The following RPS6KA6 variants were observed in gnomAD, a reference collection of about 807,000 sequenced individuals.
The protein encoded by RPS6KA6 is ribosomal protein S6 kinase A6.
Under a neutral mutation model 65.4 loss-of-function variants are expected in RPS6KA6, and 27 were observed. That is an observed-to-expected ratio of 0.41 (90% CI 0.30 to 0.57). The LOEUF (loss-of-function observed/expected upper bound fraction) is 0.57, where lower values mean the gene tolerates loss of function less well. Among genes scored for constraint, RPS6KA6 ranks in the 20% least tolerant of loss-of-function variants. The pLI is 0.24. For missense variants in RPS6KA6, 486 were observed against 555.6 expected, an observed-to-expected ratio of 0.87 and a Z score of 1.26; for synonymous variants, 190 against 184.2, an observed-to-expected ratio of 1.03 and a Z score of -0.26.
At chrX:84,164,297 T>C (rs1452108997) in intron 2 of RPS6KA6, 31 bp downstream of exon 2, 8 of 1,062,885 alleles carry the variant, frequency 7.5e-6, no homozygotes, top group African/African-American at 1.8e-5. Flanking sequence ...ATGCTAAAAA[T>C]GTGGCTTAAT....
chrX:84,145,687 A>C, intron 5 of RPS6KA6, 130 bp from the exon 6 acceptor site: 1 of 380,766 alleles, frequency 2.6e-6, no homozygotes, highest in Non-Finnish European at 4.5e-6. Flanking sequence ...ATAACATCTC[A>C]AAATTAAACC....
At chrX:84,101,384 A>C (rs1448395790) in intron 18 of RPS6KA6, among the ~76,000 whole-genome samples, 2 of 110,626 alleles carry the variant, frequency 1.8e-5, no homozygotes, top group Non-Finnish European at 3.8e-5. Context: ...CAAATGTGAA[A>C]TCTGTACCAC....
rs763251269 is a variant in RPS6KA6 at position 84,107,646 on chromosome X, T to A, written c.1088A>T (p.Glu363Val). 2 of 1,196,054 alleles carry A rather than the reference T, an allele frequency of 1.7e-6. No homozygotes were observed. Among genetic ancestry groups the A allele is most frequent in the Non-Finnish European group, 1.1e-6 (1 of 884,395 alleles). The change falls in exon 13 of 22, where the codon GAA becomes GTA. Residue 363 changes from glutamate to valine, a missense_variant. By Grantham distance (121) the Glu-to-Val change is moderately radical. This residue lies in a region of RPS6KA6 where 345 missense variants were observed against 375.0 expected (regional missense o/e 0.92). Transcript: ENST00000262752. ...KPDDTFCFDP[E>V]FTAKTPKDSP... Reference sequence around the variant, plus strand: ...ACCTTTAGGTGTTTTTGCAGTAAATTCAGGATCAAAACAAAAAGTATCATC... The same window carrying A: ...ACCTTTAGGTGTTTTTGCAGTAAATACAGGATCAAAACAAAAAGTATCATC...
Position 84,061,818 on chromosome X carries a change from G to GT in RPS6KA6, c.*2458dup, listed in dbSNP as rs1201843768. ...TATTCTAAAGTCTTATAGAAAAGATGTGTTTTTACTAGTTAAGCATTGATA... is the reference window on the plus strand; with the variant it reads ...TATTCTAAAGTCTTATAGAAAAGATGTTGTTTTTACTAGTTAAGCATTGATA... On this transcript the variant is annotated 3_prime_UTR_variant, in exon 22 of 22. Coordinates refer to ENST00000262752, the MANE Select transcript of RPS6KA6 (RefSeq NM_014496.5). 1 of 111,607 alleles carries GT rather than the reference G, an allele frequency of 9.0e-6. No individual in the cohort carries two copies. Among genetic ancestry groups the GT allele is most frequent in the Non-Finnish European group, 1.9e-5 (1 of 53,010 alleles). 9.2% of individuals were successfully genotyped at this position (111,607 alleles called of 1,213,427 possible).
upstream of RPS6KA6, among the ~76,000 whole-genome samples, chrX:84,188,218 C>T (rs1397472607): frequency 8.9e-6 from 1 of 111,950 alleles, no homozygotes; most frequent in South Asian, 3.7e-4. Flanking sequence ...ACCCCACTTC[C>T]TCGGGTCCCC....
chrX:84,067,212 C>T (rs1009957865), intron 20 of RPS6KA6, among the ~76,000 whole-genome samples: 3 of 111,631 alleles, frequency 2.7e-5, no homozygotes, highest in Non-Finnish European at 5.6e-5. Context: ...AATAGAATGC[C>T]TATTTTCCCC....
At chrX:84,086,234 T>C (rs1255572817) in intron 20 of RPS6KA6, among the ~76,000 whole-genome samples, 2 of 111,806 alleles carry the variant, frequency 1.8e-5, no homozygotes, top group Non-Finnish European at 3.8e-5. Context: ...TCTCTAGTTC[T>C]TTCTGTTGTG....
chrX:84,122,254 G>T (rs1013233980), intron 8 of RPS6KA6, among the ~76,000 whole-genome samples: 27 of 111,167 alleles, frequency 2.4e-4, no homozygotes, highest in African/African-American at 8.8e-4. Flanking sequence ...TCAGCAACTG[G>T]GGGGCTTTAC....
chrX:84,170,898 A>G (rs1489026272), intron 1 of RPS6KA6, among the ~76,000 whole-genome samples: 1 of 111,261 alleles, frequency 9.0e-6, no homozygotes, highest in Non-Finnish European at 1.9e-5. Flanking sequence ...TGTGTCATAT[A>G]AGACTCTAGA....
intron 1 of RPS6KA6, among the ~76,000 whole-genome samples, chrX:84,165,242 G>T: frequency 9.2e-6 from 1 of 109,234 alleles, no homozygotes; most frequent in East Asian, 2.9e-4. Flanking sequence ...AGATAAAAAG[G>T]ATTTTTACCA....
intron 6 of RPS6KA6, among the ~76,000 whole-genome samples, chrX:84,138,791 A>C (rs944103425): frequency 1.4e-5 from 1 of 70,132 alleles, no homozygotes; most frequent in Non-Finnish European, 2.7e-5. Flanking sequence ...CTGTTTGTTT[A>C]CCTGTGTATT....
At chrX:84,124,690 A>T (rs183921925) in intron 8 of RPS6KA6, among the ~76,000 whole-genome samples, 1 of 111,149 alleles carries the variant, frequency 9.0e-6, no homozygotes, top group Non-Finnish European at 1.9e-5. Context: ...CAAGTCTAAG[A>T]GCTACTGGAC....
intron 3 of RPS6KA6, among the ~76,000 whole-genome samples, chrX:84,150,190 G>C (rs2035275036): frequency 1.8e-5 from 2 of 112,034 alleles, no homozygotes; most frequent in African/African-American, 6.5e-5. Context: ...AATTGCTCTA[G>C]ATTAGGCTTT....
At chrX:84,113,703 T>C (rs1362335820) in intron 12 of RPS6KA6, among the ~76,000 whole-genome samples, 2 of 111,697 alleles carry the variant, frequency 1.8e-5, no homozygotes, top group African/African-American at 6.5e-5. Flanking sequence ...AAGCATTCCT[T>C]TCAAGAACTG....
chrX:84,142,763 C>T (rs747077153), intron 6 of RPS6KA6, among the ~76,000 whole-genome samples: 75 of 111,121 alleles, frequency 6.7e-4, no homozygotes, highest in Non-Finnish European at 2.1e-4. Flanking sequence ...AGACAAATTC[C>T]TTAAAAGACA....
Position 84,106,434 on chromosome X carries a change from AATATCCTCCTTCAATTC to A in RPS6KA6, c.1279_1295del (p.Glu427TrpfsTer26). ...TGCAAACAGAGTAGGAGCCAACACC[AATATCCTCCTTCAATTC>A]ATATACTTCACCAAATTGTGCAGCA... On this transcript the variant is annotated frameshift_variant, in exon 15 of 22. Transcript: ENST00000262752. LOFTEE classifies it high-confidence loss of function. The A allele has an allele frequency of 8.5e-7, 1 of 1,176,773 alleles. No homozygotes were observed. The highest frequency in any genetic ancestry group is 1.2e-6 in the Non-Finnish European group (1 of 867,250).
At chrX:84,077,057 G>A (rs1168902428) in intron 20 of RPS6KA6, among the ~76,000 whole-genome samples, 2 of 111,423 alleles carry the variant, frequency 1.8e-5, no homozygotes, top group Non-Finnish European at 3.8e-5. Flanking sequence ...TTTAAGACCT[G>A]TATATTTAAA....
At chrX:84,147,722 TATG>T (rs2035224265) in intron 4 of RPS6KA6, among the ~76,000 whole-genome samples, 1 of 112,014 alleles carries the variant, frequency 8.9e-6, no homozygotes, top group Non-Finnish European at 1.9e-5. Context: ...GCTTTCTCAA[TATG>T]TAATACTGAC....
chrX:84,168,826 T>C (rs1309371375), intron 1 of RPS6KA6, among the ~76,000 whole-genome samples: 1 of 111,395 alleles, frequency 9.0e-6, no homozygotes, highest in African/African-American at 3.3e-5. Flanking sequence ...GATCACTCTA[T>C]CCTGGAAATT....
Sources: allele counts gnomAD v4.1 joint callset (sites outside exome capture counted in the v4.1 genomes callset), GRCh38; gene constraint gnomAD v4.1.1; regional missense constraint gnomAD v4.1.1; transcripts MANE v1.5; gene names NCBI Gene and HGNC (gene_info 2026-07-23, HGNC 2026-07-21).